PCSK5: variants seen among roughly 807,000 people sequenced by gnomAD.
PCSK5 encodes prohormone convertase 5.
PCSK5 carries 129 observed loss-of-function variants against 233.2 expected under a neutral mutation model. That is an observed-to-expected ratio of 0.55 (90% CI 0.48 to 0.64). PCSK5 has a LOEUF of 0.64. Ranked by LOEUF, PCSK5 falls within the 30% of genes least tolerant of loss-of-function variation. The probability of loss-of-function intolerance (pLI) is 0.00; values close to 1 mark genes in which losing one functional copy is unlikely to be tolerated. For missense variants in PCSK5, 2,076 were observed against 2,430.1 expected (o/e 0.85, Z 3.06); for synonymous variants, 825 against 879.2 (o/e 0.94, Z 1.09).
chr9:76,222,324 A>AT (rs201832805), intron 20 of PCSK5, among the ~76,000 whole-genome samples: 2,565 of 151,408 alleles, frequency 0.017, 34 homozygotes, highest in South Asian at 0.032. Context: ...TTGTGTAGAT[A>AT]TTTTTTTAAA....
At chr9:76,271,662 C>T (rs1172270683) in intron 24 of PCSK5, among the ~76,000 whole-genome samples, 1 of 151,846 alleles carries the variant, frequency 6.6e-6, no homozygotes, top group Admixed American at 6.6e-5. Flanking sequence ...ATAGCAAGAC[C>T]CCATTTCTAA....
At chr9:76,014,132 T>A (rs928424052) in intron 3 of PCSK5, among the ~76,000 whole-genome samples, 1 of 151,824 alleles carries the variant, frequency 6.6e-6, no homozygotes, top group African/African-American at 2.4e-5. Flanking sequence ...ACCGAGAGGG[T>A]GAAGAGTTCT....
intron 2 of PCSK5, among the ~76,000 whole-genome samples, chr9:75,967,419 A>C (rs972130097): frequency 4.6e-5 from 7 of 152,168 alleles, no homozygotes; most frequent in African/African-American, 1.7e-4. Flanking sequence ...GCTGCAAACG[A>C]CATGATTTCA....
intron 24 of PCSK5, among the ~76,000 whole-genome samples, chr9:76,281,918 G>A (rs1185039501): frequency 6.6e-6 from 1 of 152,038 alleles, no homozygotes; most frequent in African/African-American, 2.4e-5. Flanking sequence ...CAAAGTGCTG[G>A]TATTACAGGC....
intron 24 of PCSK5, among the ~76,000 whole-genome samples, chr9:76,244,524 A>G (rs1255416439): frequency 6.7e-6 from 1 of 149,618 alleles, no homozygotes; most frequent in Non-Finnish European, 1.5e-5. Context: ...GAGACATTTC[A>G]TCTACATTAT....
chr9:76,340,373 C>T lies in PCSK5; in HGVS notation c.4966+1926C>T, dbSNP rs138743650. On this transcript the variant is annotated intron_variant, in intron 35 of 37. Coordinates refer to ENST00000674117, the MANE Select transcript of PCSK5 (RefSeq NM_001372043.1). ...TATAAGATCTTCAAATAGCCAGGCG[C>T]GGTGGCTCACACCTGTAATCCCAGC... Among the ~76,000 whole-genome samples, 778 of 152,148 alleles carry T rather than the reference C, an allele frequency of 5.1e-3. 6 individuals are homozygous for T. The highest frequency in any genetic ancestry group is 0.018 in the African/African-American group (736 of 41,490).
intron 7 of PCSK5, among the ~76,000 whole-genome samples, chr9:76,080,029 A>C (rs1385863126): frequency 1.3e-5 from 2 of 152,118 alleles, no homozygotes; most frequent in East Asian, 3.8e-4. Context: ...ATTAGCTTTG[A>C]TGTGCTGCTG....
chr9:76,351,872 G>C (rs1363131889), intron 36 of PCSK5, among the ~76,000 whole-genome samples: 1 of 151,922 alleles, frequency 6.6e-6, no homozygotes, highest in African/African-American at 2.4e-5. Flanking sequence ...TGAATAGCTG[G>C]GACTACCATG....
chr9:75,893,870 T>C (rs368149344), intron 1 of PCSK5, among the ~76,000 whole-genome samples: 8 of 152,188 alleles, frequency 5.3e-5, no homozygotes, highest in African/African-American at 1.9e-4. Flanking sequence ...ATTTCCTCTG[T>C]AGATCAAAGG....
chr9:75,968,539 A>C (rs888891401), intron 2 of PCSK5, among the ~76,000 whole-genome samples: 24 of 152,330 alleles, frequency 1.6e-4, no homozygotes, highest in South Asian at 4.1e-4. Context: ...AGAGATAAAC[A>C]TAGTGTGCTC....
intron 24 of PCSK5, among the ~76,000 whole-genome samples, chr9:76,262,447 GA>G (rs1368289629): frequency 3.3e-5 from 5 of 151,972 alleles, no homozygotes; most frequent in Non-Finnish European, 7.4e-5. Context: ...CAATGGAACA[GA>G]ACAGAGCCCT....
chr9:76,302,734 C>T (rs1240219696), intron 28 of PCSK5, among the ~76,000 whole-genome samples: 3 of 152,070 alleles, frequency 2.0e-5, no homozygotes, highest in African/African-American at 4.8e-5. Context: ...GTTTACTTTA[C>T]AGGCAAGGTG....
At chr9:76,222,331 T>TA (rs991353768) in intron 20 of PCSK5, among the ~76,000 whole-genome samples, 5 of 151,888 alleles carry the variant, frequency 3.3e-5, no homozygotes, top group African/African-American at 4.8e-5. Flanking sequence ...GATATTTTTT[T>TA]AAAAAAATAT....
Position 76,303,129 on chromosome 9 carries a change from T to C in PCSK5, c.3604+912T>C, listed in dbSNP as rs1383869603. Among the ~76,000 whole-genome samples, 6 of 152,306 alleles carry C rather than the reference T, an allele frequency of 3.9e-5. No homozygotes were observed. The South Asian group carries it at 1.2e-3, about 32-fold the overall frequency. The stretch of plus-strand genomic sequence containing the variant: ...GACTTTATGCCCTGCCCAGGCCTAA[T>C]TGCTAAGTTAACTGCTTGTACAGAT... On this transcript the variant is annotated intron_variant, in intron 28 of 37. Coordinates refer to ENST00000674117, the MANE Select transcript of PCSK5 (RefSeq NM_001372043.1).
chr9:76,175,403 G>A (rs747138150), intron 14 of PCSK5: 9 of 456,360 alleles, frequency 2.0e-5, no homozygotes, highest in Non-Finnish European at 3.1e-5. Context: ...GTATATCAGT[G>A]CACTCATATA....
In PCSK5 at chr9:76,227,457, G is replaced by C. The variant is rs76726915; in HGVS notation, c.2627-46G>C. 7,126 of 1,367,038 alleles carry C rather than the reference G, an allele frequency of 5.2e-3. 265 individuals are homozygous for C. In the African/African-American group the frequency reaches 0.085, roughly 16 times the overall value. 84.7% of individuals were successfully genotyped at this position (1,367,038 alleles called of 1,614,324 possible). A position where few individuals can be genotyped will look rare whatever the true frequency, so the allele number is the denominator to read the frequency against. Reference sequence around the variant, plus strand: ...GCTCTCAGACTGACAGCCCAGGCAGGCTTGCCATGTAGAAATGAAATAAAC... The same window carrying C: ...GCTCTCAGACTGACAGCCCAGGCAGCCTTGCCATGTAGAAATGAAATAAAC... On this transcript the variant is annotated intron_variant, in intron 20 of 37. Coordinates refer to ENST00000674117, the MANE Select transcript of PCSK5 (RefSeq NM_001372043.1).
chr9:76,263,144 A>G (rs1307495585), intron 24 of PCSK5, among the ~76,000 whole-genome samples: 12 of 151,846 alleles, frequency 7.9e-5, no homozygotes, highest in Non-Finnish European at 1.6e-4. Flanking sequence ...GCTGGAGAGG[A>G]TGTGGAGAAA....
intron 2 of PCSK5, among the ~76,000 whole-genome samples, chr9:75,980,681 C>A (rs1364773284): frequency 6.6e-6 from 1 of 151,610 alleles, no homozygotes; most frequent in Non-Finnish European, 1.5e-5. Context: ...TGATAAGTTG[C>A]TAGATGGAAC....
intron 35 of PCSK5, among the ~76,000 whole-genome samples, chr9:76,344,982 T>G (rs1382382552): frequency 1.3e-5 from 2 of 152,142 alleles, no homozygotes; most frequent in African/African-American, 4.8e-5. Flanking sequence ...CAAATTTTTT[T>G]CAACTTTTAT....
Sources: gnomAD v4.1 joint callset for allele counts (sites outside exome capture counted in the v4.1 genomes callset) on GRCh38, gnomAD v4.1.1 for gene constraint, MANE v1.5 for transcripts, NCBI Gene and HGNC (gene_info 2026-07-23, HGNC 2026-07-21) for gene names.